SDHB: variants seen among roughly 807,000 people sequenced by gnomAD.
SDHB encodes the protein succinate dehydrogenase complex iron sulfur subunit B.
A neutral mutation model predicts 39.7 loss-of-function variants in SDHB; 21 were observed. The ratio of observed to expected loss-of-function variants is 0.53; its 90% CI spans 0.37 to 0.76. SDHB has a LOEUF of 0.76. Ranked by LOEUF, SDHB falls within the 30% of genes least tolerant of loss-of-function variation. The probability of loss-of-function intolerance (pLI) is 0.00; values close to 1 mark genes in which losing one functional copy is unlikely to be tolerated. For synonymous variants in SDHB, 118 were observed against 117.0 expected (o/e 1.01, Z -0.06); for missense variants, 343 against 350.9 (o/e 0.98, Z 0.18).
Position 17,053,948 on chromosome 1 carries a change from C to G in SDHB, c.72G>C (p.Gln24His), listed in dbSNP as rs1553179312. Reference protein sequence around the residue: ...PATTLGGACLQASRGAQTAAA... With the variant: ...PATTLGGACLHASRGAQTAAA... ...CCCTCTCTGAGGCTCCAGGACTCAC[C>G]TGCAGGCAGGCTCCGCCAAGGGTTG... The change falls in exon 1 of 8, where the codon CAG becomes CAC. Residue 24 changes from glutamine (Q) to histidine (H), a missense_variant and splice_region_variant. Physicochemically the swap from Gln to His is conservative, Grantham distance 24. Coordinates refer to ENST00000375499, the MANE Select transcript of SDHB (RefSeq NM_003000.3). 1 of 1,612,304 alleles carries G rather than the reference C, an allele frequency of 6.2e-7. No homozygotes were observed. The highest frequency in any genetic ancestry group is 8.5e-7 in the Non-Finnish European group (1 of 1,179,044).
At chr1:17,046,645 T>C (rs2078111681) in intron 1 of SDHB, among the ~76,000 whole-genome samples, 1 of 152,194 alleles carries the variant, frequency 6.6e-6, no homozygotes. Flanking sequence ...TCACTCAACA[T>C]AATGCTTCTG....
chr1:17,019,043 C>T, intron 7 of SDHB, 85 bp from the exon 8 acceptor site: 1 of 1,039,032 alleles, frequency 9.6e-7, no homozygotes, highest in South Asian at 1.3e-5. Context: ...ACTCCTTCCT[C>T]AGCTGGTTCA....
chr1:17,027,180 A>C (rs552585622), intron 5 of SDHB, among the ~76,000 whole-genome samples: 31 of 152,302 alleles, frequency 2.0e-4, no homozygotes, highest in Middle Eastern at 3.4e-3. Flanking sequence ...TAGAAGAAGA[A>C]AGACTGAAAA....
rs969943651 is a variant in SDHB, at chr1:17,027,769, T to C, written c.520A>G (p.Ile174Val). 9 of 1,602,392 alleles carry C rather than the reference T, an allele frequency of 5.6e-6. No homozygotes were observed. Among genetic ancestry groups the C allele is most frequent in the South Asian group, 1.1e-5 (1 of 90,820 alleles). Residue 174 changes from isoleucine (I) to valine (V), a missense_variant, in exon 5 of 8, where the codon ATA becomes GTA. Physicochemically the swap from Ile to Val is conservative, Grantham distance 29 (BLOSUM62 3). Coordinates refer to ENST00000375499, the MANE Select transcript of SDHB (RefSeq NM_003000.3). ...QEGKQQYLQS[I>V]EEREKLDGLY... ...ATGACCAGTTTCTCACGCTCTTCTATGGACTGCAGATACTGCTGCTTGCCT... is the reference window on the plus strand; with the variant it reads ...ATGACCAGTTTCTCACGCTCTTCTACGGACTGCAGATACTGCTGCTTGCCT...
At chr1:17,030,972 T>TCA (rs1553177929) in intron 3 of SDHB, among the ~76,000 whole-genome samples, 1 of 147,462 alleles carries the variant, frequency 6.8e-6, no homozygotes, top group African/African-American at 2.5e-5. Flanking sequence ...TTTTTTTTTT[T>TCA]AATGGAAAGG....
At chr1:17,030,822 T>C (rs1218497905) in intron 3 of SDHB, among the ~76,000 whole-genome samples, 1 of 152,012 alleles carries the variant, frequency 6.6e-6, no homozygotes, top group Non-Finnish European at 1.5e-5. Context: ...GCTGGGATTA[T>C]AGACGCCCGC....
chr1:17,053,888 A>G, intron 1 of SDHB, 60 bp downstream of exon 1: 1 of 1,263,768 alleles, frequency 7.9e-7, no homozygotes, highest in Middle Eastern at 1.8e-4. Context: ...CAGCCCCATC[A>G]GCTCCAGGCA....
intron 2 of SDHB, among the ~76,000 whole-genome samples, chr1:17,036,519 A>G (rs963730868): frequency 1.3e-4 from 19 of 151,824 alleles, no homozygotes; most frequent in African/African-American, 4.4e-4. Flanking sequence ...TATTGCCCAT[A>G]TAATTTGTTC....
At chr1:17,047,108 T>C (rs2078114407) in intron 1 of SDHB, among the ~76,000 whole-genome samples, 1 of 152,106 alleles carries the variant, frequency 6.6e-6, no homozygotes, top group East Asian at 1.9e-4. Flanking sequence ...TGTATCCCAG[T>C]ACTTTGGGAG....
chr1:17,031,383 TG>T (rs1421529495), intron 3 of SDHB, among the ~76,000 whole-genome samples: 4 of 152,072 alleles, frequency 2.6e-5, no homozygotes, highest in Non-Finnish European at 5.9e-5. Context: ...AAAAACAAGA[TG>T]GGAATAAAAA....
chr1:17,044,566 T>A (rs2101541134), intron 2 of SDHB, among the ~76,000 whole-genome samples, 195 bp downstream of exon 2: 3 of 152,334 alleles, frequency 2.0e-5, no homozygotes, highest in Non-Finnish European at 4.4e-5. Context: ...CCTCAGATGA[T>A]CTGCCCGCCT....
At chr1:17,030,953 C>T (rs2078018983) in intron 3 of SDHB, among the ~76,000 whole-genome samples, 1 of 116,060 alleles carries the variant, frequency 8.6e-6, no homozygotes, top group African/African-American at 3.1e-5. Flanking sequence ...CCTGGCCTCA[C>T]CTTTTTTTTT....
At chr1:17,048,754 A>C (rs1460631055) in intron 1 of SDHB, among the ~76,000 whole-genome samples, 1 of 152,094 alleles carries the variant, frequency 6.6e-6, no homozygotes, top group East Asian at 1.9e-4. Context: ...CTTGTCCCCC[A>C]GGCTGGAGTA....
At chr1:17,029,103 T>TG (rs1409205294) in intron 3 of SDHB, among the ~76,000 whole-genome samples, 4 of 141,534 alleles carry the variant, frequency 2.8e-5, no homozygotes, top group African/African-American at 1.0e-4. Flanking sequence ...GTTTTTTTTT[T>TG]TTTTTTTTTT....
intron 1 of SDHB, chr1:17,052,405 G>A (rs1036270510): frequency 2.0e-5 from 3 of 152,292 alleles, no homozygotes; most frequent in African/African-American, 4.8e-5. Context: ...CCACAAGGAA[G>A]GGGAGGCCTT....
intron 1 of SDHB, among the ~76,000 whole-genome samples, chr1:17,046,711 C>CTATT (rs922308010): frequency 6.6e-6 from 1 of 151,934 alleles, no homozygotes; most frequent in Non-Finnish European, 1.5e-5. Context: ...AAAAATTAAA[C>CTATT]TATTTATTTA....
chr1:17,027,469 C>T (rs1318065007), intron 5 of SDHB, among the ~76,000 whole-genome samples: 1 of 152,246 alleles, frequency 6.6e-6, no homozygotes, highest in Non-Finnish European at 1.5e-5. Context: ...AGGCAATTTA[C>T]ATACTGGTTT....
At position 17,022,588 on chromosome 1, in the gene SDHB, G is replaced by T; in HGVS notation, c.765+20C>A. On this transcript the variant is annotated intron_variant, in intron 7 of 7. Transcript: ENST00000375499. ...CGTGTCAGCTCTGAGGCAGAGCTGA[G>T]GGTCACCAGCCCCACGTACCTTAGG... 1 of 1,613,268 alleles carries T rather than the reference G, an allele frequency of 6.2e-7. No individual in the cohort carries two copies. Among genetic ancestry groups the T allele is most frequent in the South Asian group, 1.1e-5 (1 of 91,018 alleles).
chr1:17,027,865 C>G lies in SDHB; in HGVS notation c.424G>C (p.Asp142His). The change falls in exon 5 of 8, where the codon GAT (aspartate) becomes CAT (histidine). Residue 142 changes from aspartate to histidine, a missense_variant and splice_region_variant. By Grantham distance (81) the Asp-to-His change is moderately conservative (BLOSUM62 -1). Transcript: ENST00000375499. ...HMYVIKDLVPDLSNFYAQYKS... is the reference protein window; with the variant it reads ...HMYVIKDLVPHLSNFYAQYKS... ...TACTGTGCATAGAAGTTGCTCAAAT[C>G]CTGTGGTTAAGAGGAAGAAGAAGAA... 6.4e-7 allele frequency: 1 copy of G among 1,554,726 alleles called. No homozygotes were observed. The highest frequency in any genetic ancestry group is 8.9e-7 in the Non-Finnish European group (1 of 1,126,272).
Sources: allele counts gnomAD v4.1 joint callset (sites outside exome capture counted in the v4.1 genomes callset), GRCh38; gene constraint gnomAD v4.1.1; transcripts MANE v1.5; gene names NCBI Gene and HGNC (gene_info 2026-07-23, HGNC 2026-07-21).